ATXN7L1: variants seen among roughly 807,000 people sequenced by gnomAD.
ATXN7L1 encodes ataxin-7-like protein 1.
In ATXN7L1, 15 loss-of-function variants were observed where a neutral mutation model predicts 70.8. The ratio of observed to expected loss-of-function variants is 0.21; its 90% CI spans 0.14 to 0.33. The LOEUF (loss-of-function observed/expected upper bound fraction) is 0.33, where lower values mean the gene tolerates loss of function less well. Among genes scored for constraint, ATXN7L1 ranks in the 10% least tolerant of loss-of-function variants. ATXN7L1 has a pLI of 1.00. For synonymous variants in ATXN7L1, 440 were observed against 445.1 expected, an observed-to-expected ratio of 0.99 and a Z score of 0.14; for missense variants, 975 against 1,097.1, an observed-to-expected ratio of 0.89 and a Z score of 1.57.
At chr7:105,846,089 C>G (rs1341453039) in intron 2 of ATXN7L1, among the ~76,000 whole-genome samples, 1 of 152,030 alleles carries the variant, frequency 6.6e-6, no homozygotes, top group Admixed American at 6.6e-5. Flanking sequence ...CAAAGGACAT[C>G]ATCAAGAAAG....
rs570442977 is a variant in ATXN7L1, at chr7:105,702,837, C to T, written c.356-37549G>A. On this transcript the variant is annotated intron_variant, in intron 3 of 11. Transcript: ENST00000419735. ...TCTACTAAAAATACAAAAAAATTGC[C>T]GCCGGGCGCAGTGGCTCATGCCTGT... Among the ~76,000 whole-genome samples, 7 of 151,116 alleles carry T rather than the reference C, an allele frequency of 4.6e-5. No individual in the cohort carries two copies. The East Asian group carries it at 7.8e-4, about 17-fold the overall frequency.
chr7:105,732,555 T>C (rs1796693392), intron 3 of ATXN7L1, among the ~76,000 whole-genome samples: 1 of 152,190 alleles, frequency 6.6e-6, no homozygotes, highest in African/African-American at 2.4e-5. Flanking sequence ...CTTGGGACCA[T>C]GGACCCCCAA....
rs1029189018 is a variant in ATXN7L1 at position 105,614,652 on chromosome 7, G to A, written c.1682C>T (p.Ala561Val). 2 of 1,551,604 alleles carry A rather than the reference G, an allele frequency of 1.3e-6. No individual in the cohort carries two copies. Among genetic ancestry groups the A allele is most frequent in the African/African-American group, 2.7e-5 (2 of 73,000 alleles). Residue 561 changes from alanine to valine, a missense_variant, in exon 10 of 12, where the codon GCC (alanine) becomes GTC (valine). This residue lies in a region of ATXN7L1 where 635 missense variants were observed against 699.4 expected (regional missense o/e 0.91). Transcript: ENST00000419735. This position sits in a 1 kb window ranked among gnomAD's most constrained non-coding sequence, Gnocchi z 4.3. ...RLTSSYIMTSAMLSNAAFVTS... is the reference protein window; with the variant it reads ...RLTSSYIMTSVMLSNAAFVTS... ...CACGAAAGCTGCGTTTGAGAGCATG[G>A]CTGATGTCATTATGTAAGAAGAGGT...
At chr7:105,776,919 G>A (rs1236397776) in intron 3 of ATXN7L1, among the ~76,000 whole-genome samples, 1 of 152,160 alleles carries the variant, frequency 6.6e-6, no homozygotes, top group African/African-American at 2.4e-5. Flanking sequence ...ATAGGCACGT[G>A]CCACCATGCC....
chr7:105,709,229 G>A (rs1793572204), intron 3 of ATXN7L1, among the ~76,000 whole-genome samples: 1 of 152,146 alleles, frequency 6.6e-6, no homozygotes, highest in Non-Finnish European at 1.5e-5. Flanking sequence ...AGCTACTTGG[G>A]AGGCTGAGGC....
intron 3 of ATXN7L1, among the ~76,000 whole-genome samples, chr7:105,700,886 T>C (rs1792369205): frequency 6.6e-6 from 1 of 152,166 alleles, no homozygotes; most frequent in Non-Finnish European, 1.5e-5. Context: ...TTCACCATGT[T>C]GTGCAGGCTG....
intron 2 of ATXN7L1, among the ~76,000 whole-genome samples, chr7:105,805,740 G>A (rs565371446): frequency 2.0e-4 from 30 of 152,308 alleles, no homozygotes; most frequent in Admixed American, 6.5e-5. Flanking sequence ...GCAGTCGCAG[G>A]GGGAGGGGCA....
At chr7:105,636,482 C>A (rs955514783) in intron 7 of ATXN7L1, among the ~76,000 whole-genome samples, 1 of 135,720 alleles carries the variant, frequency 7.4e-6, no homozygotes, top group African/African-American at 2.7e-5. Flanking sequence ...CAGAAACATT[C>A]TTTTCTCTGA....
intron 2 of ATXN7L1, among the ~76,000 whole-genome samples, chr7:105,826,781 C>T (rs528098993): frequency 3.3e-5 from 5 of 152,152 alleles, no homozygotes; most frequent in African/African-American, 1.2e-4. Flanking sequence ...ATAGGACCTT[C>T]CCATGGTTTT....
intron 4 of ATXN7L1, among the ~76,000 whole-genome samples, chr7:105,643,817 C>T (rs1165772337): frequency 1.3e-5 from 2 of 152,246 alleles, no homozygotes; most frequent in African/African-American, 4.8e-5. Flanking sequence ...GAAGGCAGAG[C>T]ACAAAGGTGT....
chr7:105,679,014 C>T lies in ATXN7L1; in HGVS notation c.356-13726G>A, dbSNP rs138340627. On this transcript the variant is annotated intron_variant, in intron 3 of 11. Coordinates refer to ENST00000419735, the MANE Select transcript of ATXN7L1 (RefSeq NM_020725.2). ...CCGTGACCTGCGCCCAGCCCCACGC[C>T]GTCCTGTGTGGCCCTCGTGCCCTGC... The T allele has an allele frequency of 1.4e-5, 13 of 935,282 alleles. No individual in the cohort carries two copies. In the Admixed American group the frequency reaches 5.6e-4, roughly 40 times the overall value. 57.9% of individuals were successfully genotyped at this position (935,282 alleles called of 1,614,324 possible).
intron 2 of ATXN7L1, among the ~76,000 whole-genome samples, chr7:105,810,918 C>T (rs1476033164): frequency 6.6e-6 from 1 of 152,112 alleles, no homozygotes; most frequent in African/African-American, 2.4e-5. Context: ...AACCTGTTTC[C>T]TAGTGGACTA....
intron 3 of ATXN7L1, among the ~76,000 whole-genome samples, chr7:105,774,282 A>G (rs1269808194): frequency 6.6e-6 from 1 of 151,812 alleles, no homozygotes; most frequent in Non-Finnish European, 1.5e-5. Flanking sequence ...AGCTAGTGTC[A>G]CTATCAGGAT....
At chr7:105,771,203 T>TAATAAC (rs1801954596) in intron 3 of ATXN7L1, among the ~76,000 whole-genome samples, 1 of 67,462 alleles carries the variant, frequency 1.5e-5, no homozygotes, top group African/African-American at 3.5e-5. Flanking sequence ...CCGTCTCTGA[T>TAATAAC]AATAATAATA....
chr7:105,838,554 A>T (rs1037076991), intron 2 of ATXN7L1, among the ~76,000 whole-genome samples: 1 of 152,120 alleles, frequency 6.6e-6, no homozygotes, highest in Non-Finnish European at 1.5e-5. Flanking sequence ...AATCGGTTAG[A>T]TTCTGTGAAA....
intron 3 of ATXN7L1, among the ~76,000 whole-genome samples, chr7:105,750,751 C>A (rs1283034224): frequency 1.3e-5 from 2 of 152,042 alleles, no homozygotes; most frequent in African/African-American, 4.8e-5. Context: ...TGCAGTGAGC[C>A]AAGATTGCGC....
intron 3 of ATXN7L1, chr7:105,761,500 T>A: frequency 6.2e-7 from 1 of 1,612,886 alleles, no homozygotes; most frequent in Non-Finnish European, 8.5e-7. Flanking sequence ...ATTTGCTGAA[T>A]GGTATCAACA....
At chr7:105,683,670 G>A (rs548748511) in intron 3 of ATXN7L1, among the ~76,000 whole-genome samples, 7 of 151,992 alleles carry the variant, frequency 4.6e-5, no homozygotes, top group South Asian at 2.1e-4. Flanking sequence ...GCGAGATTCC[G>A]TCTCAAAACA....
At chr7:105,671,214 C>G (rs1315211491) in intron 3 of ATXN7L1, among the ~76,000 whole-genome samples, 13 of 148,164 alleles carry the variant, frequency 8.8e-5, no homozygotes, top group African/African-American at 1.2e-4. Context: ...ACCCGGGAGG[C>G]GGAGGTTGCA....
Sources: allele counts gnomAD v4.1 joint callset (sites outside exome capture counted in the v4.1 genomes callset), GRCh38; gene constraint gnomAD v4.1.1; regional missense constraint gnomAD v4.1.1; non-coding constraint Gnocchi (gnomAD v3.1); transcripts MANE v1.5; gene names NCBI Gene and HGNC (gene_info 2026-07-23, HGNC 2026-07-21).